Variants in COL21A1 observed in about 807,000 individuals in gnomAD.
COL21A1 encodes collagen type XXI alpha 1 chain, also known as collagen alpha-1(XXI) chain.
COL21A1 carries 149 observed loss-of-function variants against 137.9 expected under a neutral mutation model. That is an observed-to-expected ratio of 1.08 (90% CI 0.95 to 1.24). The LOEUF (loss-of-function observed/expected upper bound fraction) is 1.24, where lower values mean the gene tolerates loss of function less well. COL21A1 is among the 50% of genes most tolerant of loss of function. The probability of loss-of-function intolerance (pLI) is 0.00; values close to 1 mark genes in which losing one functional copy is unlikely to be tolerated. For synonymous variants in COL21A1, 456 were observed against 391.5 expected (o/e 1.16, Z -1.95); for missense variants, 1,167 against 1,158.4 (o/e 1.01, Z -0.11).
At chr6:56,215,711 C>T (rs1277940701) in intron 1 of COL21A1, among the ~76,000 whole-genome samples, 5 of 152,056 alleles carry the variant, frequency 3.3e-5, no homozygotes, top group Non-Finnish European at 7.4e-5. Flanking sequence ...TCCACAGTCT[C>T]TAACCAACTG....
intron 1 of COL21A1, among the ~76,000 whole-genome samples, chr6:56,242,378 A>G (rs753823824): frequency 2.0e-5 from 3 of 152,140 alleles, no homozygotes; most frequent in Non-Finnish European, 4.4e-5. Flanking sequence ...AAAAGCTCAA[A>G]CTTCGCTAGA....
Position 56,345,580 on chromosome 6 carries a change from C to G in COL21A1, c.-39+48391G>C, listed in dbSNP as rs1765578932. 1.3e-5 allele frequency among the ~76,000 whole-genome samples: 2 copies of G among 152,190 alleles called. 1 individual carries two copies. The highest frequency in any genetic ancestry group is 4.1e-4 in the South Asian group (2 of 4,832). On this transcript the variant is annotated intron_variant, in intron 1 of 28. Coordinates refer to the COL21A1 transcript ENST00000370819. Reference sequence around the variant, plus strand: ...CCCACTACATGACAATGAAATGAAGCAGCTTTCCCAAGGACTCAGAACGTA... The same window carrying G: ...CCCACTACATGACAATGAAATGAAGGAGCTTTCCCAAGGACTCAGAACGTA...
intron 1 of COL21A1, among the ~76,000 whole-genome samples, chr6:56,324,133 G>A (rs566133485): frequency 1.3e-5 from 2 of 152,236 alleles, no homozygotes; most frequent in East Asian, 3.9e-4. Flanking sequence ...AATGTAGTGA[G>A]ATAGTAATTC....
At chr6:56,108,972 A>G (rs1373755583) in intron 16 of COL21A1, among the ~76,000 whole-genome samples, 1 of 151,874 alleles carries the variant, frequency 6.6e-6, no homozygotes, top group Non-Finnish European at 1.5e-5. Flanking sequence ...AACTCTTTAA[A>G]CAACTTTTAG....
intron 16 of COL21A1, among the ~76,000 whole-genome samples, chr6:56,118,690 C>T (rs538560015): frequency 7.9e-5 from 12 of 152,128 alleles, no homozygotes; most frequent in East Asian, 1.9e-4. Context: ...AAAATACTAA[C>T]AAACCAAATT....
chr6:56,226,098 A>G (rs921249614), intron 1 of COL21A1, among the ~76,000 whole-genome samples: 1 of 152,074 alleles, frequency 6.6e-6, no homozygotes, highest in Non-Finnish European at 1.5e-5. Context: ...AAAGAATCCA[A>G]ATATCTTGAC....
At chr6:56,143,006 C>T (rs1252557510) in intron 10 of COL21A1, among the ~76,000 whole-genome samples, 1 of 152,100 alleles carries the variant, frequency 6.6e-6, no homozygotes, top group Non-Finnish European at 1.5e-5. Flanking sequence ...ATTTTAGAGA[C>T]ATCACAATTC....
intron 17 of COL21A1, chr6:56,091,811 C>T (rs1292535143): frequency 1.3e-5 from 2 of 152,166 alleles, no homozygotes; most frequent in Admixed American, 6.5e-5. Flanking sequence ...AAGACTAACT[C>T]GTCAACATGA....
In COL21A1 at chr6:56,284,244, G is replaced by A. The variant is rs1476380000; in HGVS notation, c.-38-101588C>T. 2.6e-5 allele frequency among the ~76,000 whole-genome samples: 4 copies of A among 152,028 alleles called. No homozygotes were observed. The South Asian group carries it at 8.3e-4, about 32-fold the overall frequency. ...TGTATTTTCTACTTTTGGTAGAGTTGGGATTCACGATGTTGCCCAGGCTGG... is the reference window on the plus strand; with the variant it reads ...TGTATTTTCTACTTTTGGTAGAGTTAGGATTCACGATGTTGCCCAGGCTGG... On this transcript the variant is annotated intron_variant, in intron 1 of 28. Transcript: ENST00000370819.
At chr6:56,085,511 G>C (rs760872522) in intron 17 of COL21A1, among the ~76,000 whole-genome samples, 1 of 151,994 alleles carries the variant, frequency 6.6e-6, no homozygotes, top group African/African-American at 2.4e-5. Context: ...ACATATTAAA[G>C]CATGTATGGT....
At chr6:56,258,680 G>C (rs1763175283) in intron 1 of COL21A1, among the ~76,000 whole-genome samples, 1 of 152,140 alleles carries the variant, frequency 6.6e-6, no homozygotes, top group African/African-American at 2.4e-5. Flanking sequence ...TGTTGAGTCA[G>C]TGCTGGCAAG....
intron 1 of COL21A1, among the ~76,000 whole-genome samples, chr6:56,280,405 G>A (rs756917246): frequency 6.6e-6 from 1 of 152,102 alleles, no homozygotes; most frequent in African/African-American, 2.4e-5. Context: ...TTGCACAACT[G>A]AATGCAGCTC....
At chr6:56,328,895 A>G (rs562325120) in intron 1 of COL21A1, among the ~76,000 whole-genome samples, 25 of 152,052 alleles carry the variant, frequency 1.6e-4, no homozygotes, top group Non-Finnish European at 3.2e-4. Flanking sequence ...AACCAGCTGA[A>G]TCTAAATACT....
At chr6:56,300,811 GTTGA>G (rs1318815393) in intron 1 of COL21A1, among the ~76,000 whole-genome samples, 1 of 152,084 alleles carries the variant, frequency 6.6e-6, no homozygotes. Flanking sequence ...TGATTGCTTG[GTTGA>G]TTGACTGGTG....
At chr6:56,072,195 G>C (rs12208954) in intron 20 of COL21A1, among the ~76,000 whole-genome samples, 23,029 of 151,280 alleles carry the variant, frequency 0.15, 1,778 homozygotes, top group Middle Eastern at 0.22. Context: ...GGTTCTTTTT[G>C]CAGTCTATCA....
intron 17 of COL21A1, among the ~76,000 whole-genome samples, chr6:56,100,420 C>G (rs910056756): frequency 1.3e-5 from 2 of 151,496 alleles, no homozygotes; most frequent in Admixed American, 6.6e-5. Context: ...TCACAACAAC[C>G]CTATGAAGTA....
chr6:56,331,138 G>A (rs1765212803), intron 1 of COL21A1, among the ~76,000 whole-genome samples: 1 of 151,798 alleles, frequency 6.6e-6, no homozygotes, highest in Non-Finnish European at 1.5e-5. Context: ...ACTTTTTAAT[G>A]GAGTTATTTG....
At chr6:56,314,201 TCTC>T (rs1764677003) in intron 1 of COL21A1, among the ~76,000 whole-genome samples, 2 of 152,148 alleles carry the variant, frequency 1.3e-5, no homozygotes, top group Non-Finnish European at 2.9e-5. Flanking sequence ...GTCAGGATGA[TCTC>T]CATCTCCTGA....
At chr6:56,287,694 A>T (rs1375178358) in intron 1 of COL21A1, among the ~76,000 whole-genome samples, 1 of 152,138 alleles carries the variant, frequency 6.6e-6, no homozygotes, top group Non-Finnish European at 1.5e-5. Flanking sequence ...AGTCTCAGGT[A>T]GTTCTTTATA....
Sources: allele counts gnomAD v4.1 joint callset (sites outside exome capture counted in the v4.1 genomes callset), GRCh38; gene constraint gnomAD v4.1.1; transcripts MANE v1.5; gene names NCBI Gene and HGNC (gene_info 2026-07-23, HGNC 2026-07-21).